The following ARNT2 variants were observed in gnomAD, a reference collection of about 807,000 sequenced individuals.
ARNT2 encodes the protein aryl hydrocarbon receptor nuclear translocator 2.
Under a neutral mutation model 91.7 loss-of-function variants are expected in ARNT2, and 36 were observed. The observed-to-expected ratio is 0.39, with a 90% CI of 0.30 to 0.52. ARNT2 has a LOEUF of 0.52. Ranked by LOEUF, ARNT2 falls within the 20% of genes least tolerant of loss-of-function variation. ARNT2 has a pLI of 0.72. For synonymous variants in ARNT2, 365 were observed against 347.1 expected, an observed-to-expected ratio of 1.05 and a Z score of -0.57; for missense variants, 775 against 939.3, an observed-to-expected ratio of 0.83 and a Z score of 2.29.
chr15:80,493,184 A>G (rs1897079893), intron 5 of ARNT2, among the ~76,000 whole-genome samples: 1 of 152,166 alleles, frequency 6.6e-6, no homozygotes, highest in Admixed American at 6.5e-5. Context: ...TTTTATAACA[A>G]ACCCATCCCT....
chr15:80,555,226 C>T, intron 11 of ARNT2, 87 bp downstream of exon 11: 1 of 1,433,088 alleles, frequency 7.0e-7, no homozygotes, highest in South Asian at 1.2e-5. Context: ...CTACTATGTG[C>T]CAGGCAGGCT....
rs941483996 is a variant in ARNT2, at chr15:80,518,254, G to A, written c.877+3849G>A. ...TCTCTCCTACTACCTTTGGTTTTCCGAAGAACTTTTTCTTTTTCTATTCTT... is the reference window on the plus strand; with the variant it reads ...TCTCTCCTACTACCTTTGGTTTTCCAAAGAACTTTTTCTTTTTCTATTCTT... On this transcript the variant is annotated intron_variant, in intron 8 of 18. Transcript: ENST00000303329. Among the ~76,000 whole-genome samples, 16 of 147,174 alleles carry A rather than the reference G, an allele frequency of 1.1e-4. 1 individual carries two copies. Among genetic ancestry groups the A allele is most frequent in the East Asian group, 4.0e-4 (2 of 5,036 alleles).
chr15:80,454,699 C>T (rs889660656), intron 2 of ARNT2, among the ~76,000 whole-genome samples: 2 of 152,248 alleles, frequency 1.3e-5, no homozygotes, highest in Non-Finnish European at 2.9e-5. Context: ...CACTCCTTTA[C>T]TGTCACTGTG....
At chr15:80,564,299 G>C (rs1487680284) in intron 12 of ARNT2, among the ~76,000 whole-genome samples, 2 of 152,068 alleles carry the variant, frequency 1.3e-5, no homozygotes, top group Admixed American at 6.5e-5. Flanking sequence ...AAGCCTCCAG[G>C]CGGTCACCAC....
intron 8 of ARNT2, among the ~76,000 whole-genome samples, chr15:80,515,527 G>A (rs531876385): frequency 6.6e-6 from 1 of 152,282 alleles, no homozygotes; most frequent in African/African-American, 2.4e-5. Flanking sequence ...AAAATGTCCA[G>A]AATAGGCAAA....
chr15:80,443,539 G>C (rs1218793111), intron 1 of ARNT2, among the ~76,000 whole-genome samples: 1 of 152,152 alleles, frequency 6.6e-6, no homozygotes, highest in African/African-American at 2.4e-5. Context: ...TATTGGATTG[G>C]AGAAGCAGCA....
intron 1 of ARNT2, among the ~76,000 whole-genome samples, chr15:80,432,448 CAT>C (rs1161406072): frequency 1.3e-5 from 2 of 152,180 alleles, no homozygotes; most frequent in East Asian, 1.9e-4. Flanking sequence ...TATTCCATGA[CAT>C]GTGGAAATTA....
chr15:80,577,709 G>A (rs1898703769), intron 15 of ARNT2, among the ~76,000 whole-genome samples: 1 of 152,260 alleles, frequency 6.6e-6, no homozygotes, highest in Non-Finnish European at 1.5e-5. Flanking sequence ...CAGGAGGGCA[G>A]GTGGGGCCGG....
At chr15:80,512,591 C>T (rs1273990627) in intron 6 of ARNT2, among the ~76,000 whole-genome samples, 1 of 152,232 alleles carries the variant, frequency 6.6e-6, no homozygotes, top group Non-Finnish European at 1.5e-5. Context: ...TCAGTCACGG[C>T]ATGTTTGTCC....
At chr15:80,554,717 C>T (rs1596010488) in intron 10 of ARNT2, 1 of 191,446 alleles carries the variant, frequency 5.2e-6, no homozygotes, top group East Asian at 1.2e-4. Flanking sequence ...CATCTGTCCT[C>T]AGGCTATCAT....
At chr15:80,410,855 C>G (rs1182204962) in intron 1 of ARNT2, among the ~76,000 whole-genome samples, 2 of 152,006 alleles carry the variant, frequency 1.3e-5, no homozygotes, top group Non-Finnish European at 2.9e-5. Flanking sequence ...CTCTCTCTCT[C>G]TCTCTCTTTC....
intron 1 of ARNT2, among the ~76,000 whole-genome samples, chr15:80,428,736 A>T (rs2141567122): frequency 6.6e-6 from 1 of 152,310 alleles, no homozygotes; most frequent in South Asian, 2.1e-4. Context: ...ACAGAGAACC[A>T]CTGTTGGTTA....
At chr15:80,476,849 T>G (rs1896810743) in intron 5 of ARNT2, among the ~76,000 whole-genome samples, 1 of 152,236 alleles carries the variant, frequency 6.6e-6, no homozygotes, top group Non-Finnish European at 1.5e-5. Flanking sequence ...CTGATATGGT[T>G]TAGATCTGTG....
At chr15:80,552,811 G>A (rs1898106509) in intron 10 of ARNT2, 37 bp downstream of exon 10, 4 of 1,601,956 alleles carry the variant, frequency 2.5e-6, no homozygotes, top group Non-Finnish European at 3.4e-6. Flanking sequence ...CAATTGACTA[G>A]AGATTTAATT....
rs1373888738 is a variant in ARNT2 at position 80,580,501 on chromosome 15, C to T, written c.1704C>T (p.Asn568=). ...QNMSQISRQL[N]QSQVAWTGSR... ...TGTCCCAAATCTCCCGGCAGCTAAA[C>T]CAGAGTCAGGTGGCATGGACAGGGA... Residue 568 remains asparagine (N), a synonymous_variant, in exon 16 of 19, where the codon AAC becomes AAT. Transcript: ENST00000303329. 1.2e-6 allele frequency: 2 copies of T among 1,614,160 alleles called. No homozygotes were observed. The highest frequency in any genetic ancestry group is 1.7e-5 in the Admixed American group (1 of 60,036).
At chr15:80,593,564 G>A (rs1187280090) in intron 18 of ARNT2, 36 bp from the exon 19 acceptor site, 2 of 1,500,126 alleles carry the variant, frequency 1.3e-6, no homozygotes, top group Non-Finnish European at 1.8e-6. Context: ...CAGAGGAGCT[G>A]ACTCCCCTGT....
At chr15:80,422,298 CAA>C (rs1872405128) in intron 1 of ARNT2, among the ~76,000 whole-genome samples, 1 of 152,136 alleles carries the variant, frequency 6.6e-6, no homozygotes, top group East Asian at 1.9e-4. Flanking sequence ...TAGAAAATAA[CAA>C]AGAGAAAAAC....
chr15:80,432,722 A>G (rs1896028569), intron 1 of ARNT2, among the ~76,000 whole-genome samples: 1 of 152,048 alleles, frequency 6.6e-6, no homozygotes, highest in South Asian at 2.1e-4. Context: ...GTTCCCATGA[A>G]CAGAGAGCTT....
intron 12 of ARNT2, among the ~76,000 whole-genome samples, chr15:80,570,265 G>A (rs1311713820): frequency 6.6e-6 from 1 of 152,064 alleles, no homozygotes; most frequent in Admixed American, 6.5e-5. Flanking sequence ...CATTCTAACT[G>A]TTACTCTGGA....
Sources: gnomAD v4.1 joint callset for allele counts (sites outside exome capture counted in the v4.1 genomes callset) on GRCh38, gnomAD v4.1.1 for gene constraint, MANE v1.5 for transcripts, NCBI Gene and HGNC (gene_info 2026-07-23, HGNC 2026-07-21) for gene names.